The following NAALADL2 variants were observed in gnomAD, a reference collection of about 807,000 sequenced individuals.
The protein encoded by NAALADL2 is inactive N-acetylated-alpha-linked acidic dipeptidase-like protein 2.
A neutral mutation model predicts 87.2 loss-of-function variants in NAALADL2; 76 were observed. The observed-to-expected ratio is 0.87, with a 90% CI of 0.72 to 1.05. The LOEUF is 1.05. Ranked by LOEUF, NAALADL2 falls within the 50% of genes least tolerant of loss-of-function variation. NAALADL2 has a pLI of 0.00. For synonymous variants in NAALADL2, 354 were observed against 331.0 expected, an observed-to-expected ratio of 1.07 and a Z score of -0.75; for missense variants, 1,089 against 945.8, an observed-to-expected ratio of 1.15 and a Z score of -1.99.
At chr3:174,665,418 T>C (rs1447780) in intron 2 of NAALADL2, among the ~76,000 whole-genome samples, 4,196 of 152,272 alleles carry the variant, frequency 0.028, 151 homozygotes, top group African/African-American at 0.084. Context: ...TCAGCTCTAA[T>C]GTTAAGTGTT....
rs115654045 is a variant in NAALADL2 at position 175,535,501 on chromosome 3, T to A, written c.1654-40540T>A. ...AAATGATGTAAGGCCCTAGTTTACATGGCCTAACACCTACCATACCCACAG... is the reference window on the plus strand; with the variant it reads ...AAATGATGTAAGGCCCTAGTTTACAAGGCCTAACACCTACCATACCCACAG... On this transcript the variant is annotated intron_variant, in intron 9 of 13. Coordinates refer to ENST00000454872, the MANE Select transcript of NAALADL2 (RefSeq NM_207015.3). Among the ~76,000 whole-genome samples the A allele has an allele frequency of 3.3e-3, 496 of 152,304 alleles. 4 individuals are homozygous for A. Among genetic ancestry groups the A allele is most frequent in the African/African-American group, 0.011 (471 of 41,546 alleles).
intron 3 of NAALADL2, among the ~76,000 whole-genome samples, chr3:174,822,209 A>C (rs933889022): frequency 7.9e-5 from 12 of 151,976 alleles, no homozygotes; most frequent in Non-Finnish European, 1.6e-4. Flanking sequence ...TGAGCGAGCA[A>C]ATATAACACT....
chr3:175,808,374 G>A lies in NAALADL2; in HGVS notation c.*5171G>A, dbSNP rs1754886152. ...GAATTATACAATTACATAATTTTCT[G>A]TAACCAAAATGGTAATTTTGATGGA... On this transcript the variant is annotated 3_prime_UTR_variant, in exon 14 of 14. Coordinates refer to ENST00000454872, the MANE Select transcript of NAALADL2 (RefSeq NM_207015.3). 6.6e-6 allele frequency: 1 copy of A among 151,860 alleles called. No homozygotes were observed. The highest frequency in any genetic ancestry group is 2.1e-4 in the South Asian group (1 of 4,832). The allele number at this position is 151,860 out of a possible 1,614,324, so 9.4% of individuals were successfully genotyped here.
At chr3:174,798,611 A>T (rs1246521853) in intron 3 of NAALADL2, among the ~76,000 whole-genome samples, 1 of 151,698 alleles carries the variant, frequency 6.6e-6, no homozygotes, top group Non-Finnish European at 1.5e-5. Context: ...TCTTTCAATG[A>T]TTTTTTTTAG....
chr3:175,496,447 A>G (rs1028658220), intron 9 of NAALADL2, among the ~76,000 whole-genome samples: 3 of 151,978 alleles, frequency 2.0e-5, no homozygotes, highest in Non-Finnish European at 4.4e-5. Flanking sequence ...TTATTATTTC[A>G]ATCAACAAAT....
intron 1 of NAALADL2, among the ~76,000 whole-genome samples, chr3:174,954,866 T>C (rs2108526746): frequency 6.6e-6 from 1 of 152,240 alleles, no homozygotes; most frequent in Non-Finnish European, 1.5e-5. Flanking sequence ...TAATTAAAGC[T>C]TCTCTAACTT....
rs770673045 is a variant in NAALADL2, at chr3:175,755,339, C to T, written c.2110C>T (p.Arg704Cys). ...TGATCCCAAGGAGAGAGCACCCATC[C>T]GCATCCGGATGCTGAATGACATTCT... ...ANDPKERAPIRIRMLNDILQD... is the reference protein window; with the variant it reads ...ANDPKERAPICIRMLNDILQD... The change falls in exon 13 of 14, where the codon CGC (arginine) becomes TGC (cysteine). Residue 704 changes from arginine to cysteine, a missense_variant. Coordinates refer to ENST00000454872, the MANE Select transcript of NAALADL2 (RefSeq NM_207015.3). 4.8e-5 allele frequency: 78 copies of T among 1,612,942 alleles called. No homozygotes were observed. The highest frequency in any genetic ancestry group is 2.2e-4 in the South Asian group (20 of 90,878).
intron 5 of NAALADL2, among the ~76,000 whole-genome samples, chr3:175,358,893 G>T (rs570790220): frequency 1.6e-3 from 245 of 152,198 alleles, no homozygotes; most frequent in Middle Eastern, 3.4e-3. Flanking sequence ...CTGGGAAACT[G>T]GTCCTGGGAG....
At chr3:175,208,512 A>G (rs992284367) in intron 2 of NAALADL2, among the ~76,000 whole-genome samples, 3 of 152,086 alleles carry the variant, frequency 2.0e-5, no homozygotes, top group African/African-American at 7.2e-5. Flanking sequence ...GCTCCTGTTC[A>G]CTTGGCACTA....
At chr3:174,569,460 C>T (rs1294228582) in intron 2 of NAALADL2, among the ~76,000 whole-genome samples, 1 of 152,022 alleles carries the variant, frequency 6.6e-6, no homozygotes, top group Non-Finnish European at 1.5e-5. Context: ...ATATTTACAA[C>T]AGCTGTTTTA....
At chr3:175,123,353 A>G (rs117519055) in intron 2 of NAALADL2, among the ~76,000 whole-genome samples, 2 of 151,898 alleles carry the variant, frequency 1.3e-5, no homozygotes, top group East Asian at 3.9e-4. Context: ...TGGTAGGGCA[A>G]TGGTCCCAAG....
chr3:174,961,095 TATA>T lies in NAALADL2; in HGVS notation c.43+101649_43+101651del, dbSNP rs1741923728. ...GTATTATATCATTAAATAATATTAA[TATA>T]ATATATAACATAATGATATATAATA... On this transcript the variant is annotated intron_variant, in intron 1 of 13. Transcript: ENST00000454872. Among the ~76,000 whole-genome samples, 3 of 147,834 alleles carry T rather than the reference TATA, an allele frequency of 2.0e-5. No homozygotes were observed. In the South Asian group the frequency reaches 6.3e-4, roughly 31 times the overall value.
chr3:174,611,123 C>T (rs1391292989), intron 2 of NAALADL2, among the ~76,000 whole-genome samples: 6 of 136,662 alleles, frequency 4.4e-5, no homozygotes, highest in Admixed American at 4.4e-4. Context: ...AGTGAGAACA[C>T]ATGGACACGG....
At chr3:175,350,390 T>C (rs1374532310) in intron 5 of NAALADL2, among the ~76,000 whole-genome samples, 1 of 152,090 alleles carries the variant, frequency 6.6e-6, no homozygotes, top group Non-Finnish European at 1.5e-5. Context: ...GAAGTGTAGG[T>C]AGAGAAAGGT....
At chr3:175,776,021 A>AT (rs1478554563) in intron 13 of NAALADL2, among the ~76,000 whole-genome samples, 2 of 151,810 alleles carry the variant, frequency 1.3e-5, no homozygotes, top group Non-Finnish European at 2.9e-5. Context: ...AGTAAAAGCG[A>AT]TTTTTTCCAA....
At chr3:175,652,134 C>A (rs1005405249) in intron 11 of NAALADL2, among the ~76,000 whole-genome samples, 11 of 152,158 alleles carry the variant, frequency 7.2e-5, no homozygotes, top group Admixed American at 6.5e-4. Context: ...CTGTTAACTT[C>A]TCTTATACCT....
At chr3:175,016,496 G>A (rs1750838946) in intron 1 of NAALADL2, among the ~76,000 whole-genome samples, 1 of 151,278 alleles carries the variant, frequency 6.6e-6, no homozygotes, top group South Asian at 2.1e-4. Flanking sequence ...TGCTAAAGGG[G>A]TTATCACTGA....
intron 2 of NAALADL2, among the ~76,000 whole-genome samples, chr3:175,182,473 G>T (rs1229662027): frequency 2.0e-5 from 3 of 146,916 alleles, no homozygotes; most frequent in African/African-American, 7.6e-5. Context: ...CTGCAACCTT[G>T]TTCTCCTGGG....
intron 1 of NAALADL2, among the ~76,000 whole-genome samples, chr3:174,983,252 G>A (rs1171890199): frequency 1.3e-5 from 2 of 152,116 alleles, no homozygotes; most frequent in African/African-American, 4.8e-5. Context: ...AAAATACAAG[G>A]CACTGCAGGG....
Sources: gnomAD v4.1 joint callset for allele counts (sites outside exome capture counted in the v4.1 genomes callset) on GRCh38, gnomAD v4.1.1 for gene constraint, MANE v1.5 for transcripts, NCBI Gene and HGNC (gene_info 2026-07-23, HGNC 2026-07-21) for gene names.